The following RAB3GAP2 variants were observed in gnomAD, a reference collection of about 807,000 sequenced individuals.
The protein encoded by RAB3GAP2 is RAB3 GTPase activating non-catalytic protein subunit 2.
A neutral mutation model predicts 185.3 loss-of-function variants in RAB3GAP2; 87 were observed. The ratio of observed to expected loss-of-function variants is 0.47; its 90% confidence interval spans 0.39 to 0.56. The LOEUF (loss-of-function observed/expected upper bound fraction) is 0.56. Ranked by LOEUF, RAB3GAP2 falls within the 20% of genes least tolerant of loss-of-function variation. The pLI is 0.00. For synonymous variants in RAB3GAP2, 554 were observed against 576.1 expected (o/e 0.96, Z 0.55); for missense variants, 1,492 against 1,638.2 (o/e 0.91, Z 1.54).
At chr1:220,228,110 A>T (rs1166690818) in intron 2 of RAB3GAP2, among the ~76,000 whole-genome samples, 1 of 152,184 alleles carries the variant, frequency 6.6e-6, no homozygotes, top group East Asian at 1.9e-4. Context: ...ACTTCAAGAC[A>T]TTCCACTTCT....
chr1:220,202,195 T>C (rs1571898188), intron 9 of RAB3GAP2, 81 bp downstream of exon 9: 11 of 1,410,704 alleles, frequency 7.8e-6, no homozygotes, highest in Non-Finnish European at 9.6e-6. Flanking sequence ...AAAGAATAAA[T>C]GCCCATTTCT....
intron 30 of RAB3GAP2, 144 bp downstream of exon 30, chr1:220,157,658 C>G: frequency 9.8e-7 from 1 of 1,021,274 alleles, no homozygotes. Context: ...AAGAAAACAT[C>G]ACTACCTTCT....
intron 1 of RAB3GAP2, among the ~76,000 whole-genome samples, chr1:220,258,299 C>A (rs1295235880): frequency 1.3e-5 from 2 of 152,154 alleles, no homozygotes; most frequent in African/African-American, 4.8e-5. Context: ...AAACTTCAGG[C>A]CAATATTCCT....
chr1:220,253,595 C>T, intron 1 of RAB3GAP2: 1 of 1,581,928 alleles, frequency 6.3e-7, no homozygotes, highest in Non-Finnish European at 8.7e-7. Flanking sequence ...GACCCGAAGC[C>T]TAAATTCCAG....
rs781081339 is a variant in RAB3GAP2, at chr1:220,154,034, G to C, written c.3579C>G (p.Asp1193Glu). 1 of 1,613,518 alleles carries C rather than the reference G, an allele frequency of 6.2e-7. No homozygotes were observed. Among genetic ancestry groups the C allele is most frequent in the South Asian group, 1.1e-5 (1 of 91,062 alleles). Residue 1193 changes from aspartate (D) to glutamate (E), a missense_variant, in exon 32 of 35, where the codon GAC (aspartate) becomes GAG (glutamate). Transcript: ENST00000358951. ...TAGGTAATAACTGAATTGAAGTTAG[G>C]TCTTTGAAAAATGCATTTTTTCCCT... is the stretch of plus-strand genomic sequence containing the variant. ...DSKGKNAFFK[D>E]LTSIQLLPSG...
chr1:220,266,368 G>A (rs1003891833), intron 1 of RAB3GAP2: 2 of 411,740 alleles, frequency 4.9e-6, no homozygotes, highest in African/African-American at 4.1e-5. Context: ...GCACAAAGTG[G>A]TCACTTTCCC....
At chr1:220,271,037 T>A (rs1176268475) in intron 1 of RAB3GAP2, 1 of 152,232 alleles carries the variant, frequency 6.6e-6, no homozygotes, top group South Asian at 2.1e-4. Flanking sequence ...AACTAGTACT[T>A]CAAAGGTAGG....
At chr1:220,235,710 A>G (rs1659578183) in intron 1 of RAB3GAP2, among the ~76,000 whole-genome samples, 1 of 152,230 alleles carries the variant, frequency 6.6e-6, no homozygotes, top group Non-Finnish European at 1.5e-5. Flanking sequence ...CCATATTGGT[A>G]TAAAAAGTAC....
At chr1:220,261,376 T>C (rs1558174679) in intron 1 of RAB3GAP2, among the ~76,000 whole-genome samples, 1 of 152,218 alleles carries the variant, frequency 6.6e-6, no homozygotes, top group Non-Finnish European at 1.5e-5. Context: ...CTTCCAGGAC[T>C]GTCACTGTGT....
At chr1:220,266,518 T>C in intron 1 of RAB3GAP2, 1 of 622,154 alleles carries the variant, frequency 1.6e-6, no homozygotes, top group Non-Finnish European at 2.9e-6. Flanking sequence ...CACTTCAGAG[T>C]GTCATGTTTA....
At chr1:220,198,362 C>T (rs78597555) in intron 9 of RAB3GAP2, among the ~76,000 whole-genome samples, 10,536 of 152,286 alleles carry the variant, frequency 0.069, 485 homozygotes, top group Middle Eastern at 0.11. Context: ...CCTTCCCATC[C>T]TCGATCCTTT....
chr1:220,224,286 A>C (rs192365024), intron 2 of RAB3GAP2, among the ~76,000 whole-genome samples: 1 of 152,162 alleles, frequency 6.6e-6, no homozygotes, highest in Non-Finnish European at 1.5e-5. Flanking sequence ...CGGACTCTCA[A>C]TTATGACACT....
intron 1 of RAB3GAP2, chr1:220,253,490 C>G: frequency 6.8e-7 from 1 of 1,478,736 alleles, no homozygotes; most frequent in South Asian, 1.3e-5. Flanking sequence ...GCGCGTCTGA[C>G]GCGGAGTTGG....
chr1:220,271,192 G>A (rs1273566828), intron 1 of RAB3GAP2: 1 of 152,152 alleles, frequency 6.6e-6, no homozygotes, highest in East Asian at 1.9e-4. Context: ...CTGGCACAAA[G>A]TATGCAATCA....
intron 23 of RAB3GAP2, among the ~76,000 whole-genome samples, chr1:220,171,393 G>A (rs1457708124): frequency 6.6e-6 from 1 of 152,120 alleles, no homozygotes; most frequent in Non-Finnish European, 1.5e-5. Context: ...AGTTTTCTGG[G>A]CCATCTTTGG....
At chr1:220,154,087 G>C in intron 31 of RAB3GAP2, 30 bp from the exon 32 acceptor site, 1 of 1,611,744 alleles carries the variant, frequency 6.2e-7, no homozygotes, top group Non-Finnish European at 8.5e-7. Flanking sequence ...GAAAACTGAT[G>C]AGTGTGGATT....
chr1:220,169,721 T>C (rs1658139356), intron 24 of RAB3GAP2, among the ~76,000 whole-genome samples: 1 of 152,224 alleles, frequency 6.6e-6, no homozygotes, highest in Admixed American at 6.5e-5. Flanking sequence ...CTTACTAGTC[T>C]CATGATCCCC....
At chr1:220,154,722 T>TA (rs1657825727) in intron 31 of RAB3GAP2, among the ~76,000 whole-genome samples, 1 of 43,726 alleles carries the variant, frequency 2.3e-5, no homozygotes, top group Admixed American at 2.5e-4. Context: ...CCCTGAATCC[T>TA]TTTTTTTTTT....
chr1:220,211,254 A>T, intron 4 of RAB3GAP2: 1 of 638,668 alleles, frequency 1.6e-6, no homozygotes, highest in Non-Finnish European at 2.9e-6. Flanking sequence ...TGTCATGAAA[A>T]ACATGAAAGT....
Sources: gnomAD v4.1 joint callset for allele counts (sites outside exome capture counted in the v4.1 genomes callset) on GRCh38, gnomAD v4.1.1 for gene constraint, MANE v1.5 for transcripts, NCBI Gene and HGNC (gene_info 2026-07-23, HGNC 2026-07-21) for gene names.